CHSY3: variants seen among roughly 807,000 people sequenced by gnomAD.
The protein encoded by CHSY3 is chondroitin sulfate synthase 3, also known as N-acetylgalactosaminyl-proteoglycan 3-beta-glucuronosyltransferase 3.
Under a neutral mutation model 67.2 loss-of-function variants are expected in CHSY3, and 35 were observed. The observed-to-expected ratio is 0.52, with a 90% CI of 0.40 to 0.69. CHSY3 has a LOEUF of 0.69. CHSY3 is among the 30% of genes least tolerant of loss of function. The pLI, the probability that CHSY3 is intolerant of heterozygous loss-of-function variation, is 0.00. For synonymous variants in CHSY3, 474 were observed against 434.7 expected (o/e 1.09, Z -1.12); for missense variants, 1,069 against 1,138.5 (o/e 0.94, Z 0.88).
intron 1 of CHSY3, among the ~76,000 whole-genome samples, chr5:129,906,660 C>G (rs1452039356): frequency 6.6e-6 from 1 of 152,188 alleles, no homozygotes; most frequent in Non-Finnish European, 1.5e-5. Context: ...CAGCCAGTTG[C>G]TGAGATGGGG....
chr5:130,000,036 C>G (rs560282080), intron 2 of CHSY3, among the ~76,000 whole-genome samples: 1 of 152,230 alleles, frequency 6.6e-6, no homozygotes, highest in African/African-American at 2.4e-5. Flanking sequence ...TTCAGCATAT[C>G]TCAGAAACAG....
At chr5:130,168,699 A>C (rs536230970) in intron 2 of CHSY3, among the ~76,000 whole-genome samples, 2 of 152,144 alleles carry the variant, frequency 1.3e-5, no homozygotes, top group East Asian at 3.9e-4. Flanking sequence ...ACTTTATTAA[A>C]AATTAATTAT....
chr5:130,137,669 A>G (rs1303677079), intron 2 of CHSY3, among the ~76,000 whole-genome samples: 1 of 152,212 alleles, frequency 6.6e-6, no homozygotes, highest in African/African-American at 2.4e-5. Context: ...TCAACAGTAA[A>G]AGGATATATT....
At chr5:130,131,698 G>T (rs1036841824) in intron 2 of CHSY3, among the ~76,000 whole-genome samples, 7 of 152,104 alleles carry the variant, frequency 4.6e-5, no homozygotes, top group Non-Finnish European at 1.0e-4. Context: ...ATCACAGGTT[G>T]CAGTTCAAAG....
At chr5:129,976,953 T>A (rs1211869661) in intron 2 of CHSY3, among the ~76,000 whole-genome samples, 1 of 151,328 alleles carries the variant, frequency 6.6e-6, no homozygotes, top group Non-Finnish European at 1.5e-5. Flanking sequence ...ATGTATAAGA[T>A]GTTCATTTTT....
At chr5:130,126,108 AG>A (rs1182810548) in intron 2 of CHSY3, among the ~76,000 whole-genome samples, 1 of 152,040 alleles carries the variant, frequency 6.6e-6, no homozygotes, top group African/African-American at 2.4e-5. Context: ...TCACATTTTG[AG>A]GTTGCATGAG....
At chr5:130,034,875 A>G (rs915834670) in intron 2 of CHSY3, among the ~76,000 whole-genome samples, 1 of 152,236 alleles carries the variant, frequency 6.6e-6, no homozygotes, top group East Asian at 1.9e-4. Context: ...GGCAGGCAGA[A>G]TAGCAAGTGC....
intron 2 of CHSY3, among the ~76,000 whole-genome samples, chr5:130,149,652 T>A (rs1769177007): frequency 6.6e-6 from 1 of 152,158 alleles, no homozygotes; most frequent in Non-Finnish European, 1.5e-5. Flanking sequence ...CAACATATGG[T>A]GGCAACCCAT....
intron 2 of CHSY3, among the ~76,000 whole-genome samples, chr5:130,055,769 C>A (rs1213214107): frequency 6.6e-6 from 1 of 151,942 alleles, no homozygotes; most frequent in African/African-American, 2.4e-5. Flanking sequence ...GTTTTCCAGG[C>A]GAAATGCCAT....
intron 2 of CHSY3, among the ~76,000 whole-genome samples, chr5:130,006,782 A>G (rs979977568): frequency 6.6e-6 from 1 of 152,170 alleles, no homozygotes; most frequent in Non-Finnish European, 1.5e-5. Context: ...AAGGGGATAT[A>G]TTTTCAGTGC....
At chr5:130,123,077 A>G (rs80136117) in intron 2 of CHSY3, among the ~76,000 whole-genome samples, 2 of 26,264 alleles carry the variant, frequency 7.6e-5, no homozygotes, top group African/African-American at 1.0e-3. Context: ...AAGGTGCAAG[A>G]AAAAAAAAAA....
chr5:130,173,551 G>C (rs535599926), intron 2 of CHSY3, among the ~76,000 whole-genome samples: 1 of 152,204 alleles, frequency 6.6e-6, no homozygotes, highest in African/African-American at 2.4e-5. Flanking sequence ...GTTGTATAGT[G>C]AGTTTAAAGG....
At chr5:130,141,851 G>A (rs937791604) in intron 2 of CHSY3, 1 of 315,078 alleles carries the variant, frequency 3.2e-6, no homozygotes, top group Non-Finnish European at 6.3e-6. Flanking sequence ...CTGTACCAGA[G>A]TACAGGAGGC....
chr5:129,952,555 T>C (rs908748406), intron 2 of CHSY3, among the ~76,000 whole-genome samples: 2 of 152,162 alleles, frequency 1.3e-5, no homozygotes, highest in African/African-American at 4.8e-5. Flanking sequence ...ATTTGAGGAG[T>C]CATATTTTCT....
At chr5:130,102,042 T>A (rs1767261336) in intron 2 of CHSY3, among the ~76,000 whole-genome samples, 1 of 152,106 alleles carries the variant, frequency 6.6e-6, no homozygotes, top group Non-Finnish European at 1.5e-5. Context: ...TACATTGGAG[T>A]GCTTCCTTTT....
chr5:130,111,827 T>C (rs755428761), intron 2 of CHSY3, among the ~76,000 whole-genome samples: 1 of 152,112 alleles, frequency 6.6e-6, no homozygotes, highest in Non-Finnish European at 1.5e-5. Flanking sequence ...ATGAGGTGAC[T>C]GTGGGTAAAA....
chr5:129,962,363 A>G (rs1167622880), intron 2 of CHSY3, among the ~76,000 whole-genome samples: 2 of 151,786 alleles, frequency 1.3e-5, no homozygotes, highest in Non-Finnish European at 2.9e-5. Context: ...CCTCCTAAAT[A>G]TCTCCTTTAA....
At chr5:130,005,175 G>A (rs995350112) in intron 2 of CHSY3, among the ~76,000 whole-genome samples, 1 of 152,096 alleles carries the variant, frequency 6.6e-6, no homozygotes, top group African/African-American at 2.4e-5. Context: ...CCAGCACTTT[G>A]GGAGGCTGAG....
intron 2 of CHSY3, among the ~76,000 whole-genome samples, chr5:130,028,952 T>C (rs926577856): frequency 2.0e-5 from 3 of 152,010 alleles, no homozygotes; most frequent in African/African-American, 7.2e-5. Flanking sequence ...CATATCTCTC[T>C]CTTCTTTTTC....
Sources: gnomAD v4.1 joint callset for allele counts (sites outside exome capture counted in the v4.1 genomes callset) on GRCh38, gnomAD v4.1.1 for gene constraint, MANE v1.5 for transcripts, NCBI Gene and HGNC (gene_info 2026-07-23, HGNC 2026-07-21) for gene names.